The following GPR158 variants were observed in gnomAD, a reference collection of about 807,000 sequenced individuals.
The protein encoded by GPR158 is G protein-coupled receptor 158, also known as metabotropic glycine receptor.
In GPR158, 30 loss-of-function variants were observed where a neutral mutation model predicts 78.2. That is an observed-to-expected ratio of 0.38 (90% CI 0.29 to 0.52). The LOEUF is 0.52. Ranked by LOEUF, GPR158 falls within the 20% of genes least tolerant of loss-of-function variation. GPR158 has a pLI of 0.83. For synonymous variants in GPR158, 581 were observed against 591.1 expected, an observed-to-expected ratio of 0.98 and a Z score of 0.25; for missense variants, 1,463 against 1,523.5, an observed-to-expected ratio of 0.96 and a Z score of 0.66.
At chr10:25,399,872 T>A (rs1834416968) in intron 3 of GPR158, among the ~76,000 whole-genome samples, 4 of 152,324 alleles carry the variant, frequency 2.6e-5, no homozygotes, top group African/African-American at 9.6e-5. Flanking sequence ...ATGTTATTTT[T>A]ATACTTTCTT....
chr10:25,554,605 C>T (rs1214935709), intron 6 of GPR158, among the ~76,000 whole-genome samples: 1 of 152,076 alleles, frequency 6.6e-6, no homozygotes, highest in Non-Finnish European at 1.5e-5. Flanking sequence ...GTTTTGTTCA[C>T]TTTTACCAAA....
intron 2 of GPR158, among the ~76,000 whole-genome samples, chr10:25,355,920 A>G (rs1855543934): frequency 6.6e-6 from 1 of 152,030 alleles, no homozygotes; most frequent in Non-Finnish European, 1.5e-5. Context: ...CCTTTGGCCA[A>G]GTTACAGAGC....
intron 2 of GPR158, among the ~76,000 whole-genome samples, chr10:25,281,943 G>A (rs1854280841): frequency 6.6e-6 from 1 of 152,102 alleles, no homozygotes; most frequent in South Asian, 2.1e-4. Flanking sequence ...AGAATGATTT[G>A]AATTTTTTCT....
intron 5 of GPR158, among the ~76,000 whole-genome samples, chr10:25,536,664 G>A (rs999773523): frequency 1.3e-5 from 2 of 152,142 alleles, no homozygotes; most frequent in African/African-American, 4.8e-5. Flanking sequence ...CTGATAAACT[G>A]CATCTTTTTT....
In GPR158 at chr10:25,599,930, A is replaced by C. The variant is rs917927856; in HGVS notation, c.*656A>C. The C allele has an allele frequency of 6.6e-6, 1 of 152,668 alleles. No individual in the cohort carries two copies. The highest frequency in any genetic ancestry group is 1.5e-5 in the Non-Finnish European group (1 of 68,044). 9.5% of individuals were successfully genotyped at this position (152,668 alleles called of 1,614,324 possible). A position where few individuals can be genotyped will look rare whatever the true frequency, so the allele number is the denominator to read the frequency against. ...TATTGCACCTTACAGAATACCTGCT[A>C]TCTATCAACTTTAGTTGATTCTTGA... On this transcript the variant is annotated 3_prime_UTR_variant, in exon 11 of 11. Coordinates refer to ENST00000376351, the MANE Select transcript of GPR158 (RefSeq NM_020752.3).
chr10:25,264,896 A>G (rs1854022340), intron 2 of GPR158, among the ~76,000 whole-genome samples: 1 of 152,128 alleles, frequency 6.6e-6, no homozygotes, highest in South Asian at 2.1e-4. Context: ...ACTATTTTTA[A>G]TATTTCTAGA....
intron 2 of GPR158, among the ~76,000 whole-genome samples, chr10:25,389,065 C>T (rs1834258763): frequency 6.6e-6 from 1 of 152,218 alleles, no homozygotes; most frequent in African/African-American, 2.4e-5. Flanking sequence ...CTGCAGGCAT[C>T]CCTTGGCACA....
intron 2 of GPR158, among the ~76,000 whole-genome samples, chr10:25,346,728 T>C (rs1855377115): frequency 6.6e-6 from 1 of 151,952 alleles, no homozygotes. Flanking sequence ...AGAAAACTTT[T>C]GCAAAAATGA....
At chr10:25,336,223 C>A (rs1232027937) in intron 2 of GPR158, among the ~76,000 whole-genome samples, 1 of 151,924 alleles carries the variant, frequency 6.6e-6, no homozygotes, top group African/African-American at 2.4e-5. Flanking sequence ...ATGGATAAAT[C>A]AATTCTTTAT....
chr10:25,573,386 A>T (rs1306487379), intron 7 of GPR158, among the ~76,000 whole-genome samples: 1 of 152,228 alleles, frequency 6.6e-6, no homozygotes, highest in Non-Finnish European at 1.5e-5. Flanking sequence ...TGACCTCAAA[A>T]GACAACTTAT....
intron 2 of GPR158, among the ~76,000 whole-genome samples, chr10:25,277,059 C>T (rs1854193531): frequency 6.6e-6 from 1 of 151,948 alleles, no homozygotes. Flanking sequence ...AAGGAATCCT[C>T]CTGCCTCAAC....
intron 6 of GPR158, among the ~76,000 whole-genome samples, chr10:25,569,697 A>G (rs1480775063): frequency 1.3e-5 from 2 of 151,886 alleles, no homozygotes; most frequent in Non-Finnish European, 2.9e-5. Context: ...TATCTTTTCC[A>G]CTTTCCTTCA....
chr10:25,481,182 C>G (rs1022820500), intron 5 of GPR158, among the ~76,000 whole-genome samples: 1 of 150,874 alleles, frequency 6.6e-6, no homozygotes, highest in Admixed American at 6.7e-5. Context: ...AGAGACAGAC[C>G]TATGGACTGA....
Position 25,222,738 on chromosome 10 carries a change from GA to G in GPR158, c.1008+1583del, listed in dbSNP as rs369710773. ...GCCACTTAGCGTTGTCTTTTAGCCA[GA>G]ATGGACTTTTTTCTGCATGGGTGTC... On this transcript the variant is annotated intron_variant, in intron 2 of 10. Transcript: ENST00000376351. Among the ~76,000 whole-genome samples the G allele has an allele frequency of 1.1e-3, 164 of 152,288 alleles. No homozygotes were observed. The South Asian group carries it at 0.014, about 13-fold the overall frequency.
At chr10:25,406,194 T>C (rs1834513243) in intron 3 of GPR158, among the ~76,000 whole-genome samples, 1 of 152,154 alleles carries the variant, frequency 6.6e-6, no homozygotes, top group Non-Finnish European at 1.5e-5. Flanking sequence ...CTAAGCTTGC[T>C]CAGCCCTTGC....
intron 2 of GPR158, among the ~76,000 whole-genome samples, chr10:25,343,685 T>C (rs1855333878): frequency 6.6e-6 from 1 of 151,986 alleles, no homozygotes; most frequent in Non-Finnish European, 1.5e-5. Flanking sequence ...TACATCTAAA[T>C]GAATCTCAGA....
At chr10:25,344,339 G>A (rs1163217784) in intron 2 of GPR158, among the ~76,000 whole-genome samples, 2 of 151,654 alleles carry the variant, frequency 1.3e-5, no homozygotes, top group Non-Finnish European at 2.9e-5. Context: ...TATACATTGT[G>A]AAATGGCTAA....
chr10:25,461,466 C>T (rs1835358043), intron 4 of GPR158, among the ~76,000 whole-genome samples: 1 of 152,214 alleles, frequency 6.6e-6, no homozygotes, highest in South Asian at 2.1e-4. Flanking sequence ...GCCTAACTCT[C>T]TTCAATTCTG....
At chr10:25,242,567 C>T (rs1853640849) in intron 2 of GPR158, among the ~76,000 whole-genome samples, 1 of 152,140 alleles carries the variant, frequency 6.6e-6, no homozygotes, top group South Asian at 2.1e-4. Context: ...TTAACAGAAG[C>T]TTTGTGGGTG....
Sources: gnomAD v4.1 joint callset for allele counts (sites outside exome capture counted in the v4.1 genomes callset) on GRCh38, gnomAD v4.1.1 for gene constraint, MANE v1.5 for transcripts, NCBI Gene and HGNC (gene_info 2026-07-23, HGNC 2026-07-21) for gene names.